The following SGCZ variants were observed in gnomAD, a reference collection of about 807,000 sequenced individuals.
SGCZ encodes the protein sarcoglycan zeta.
SGCZ carries 40 observed loss-of-function variants against 41.3 expected under a neutral mutation model. That is an observed-to-expected ratio of 0.97 (90% CI 0.75 to 1.26). The LOEUF is 1.26. Among genes scored for constraint, SGCZ ranks in the 50% most tolerant of loss-of-function variants. The pLI is 0.00. For missense variants in SGCZ, 552 were observed against 369.8 expected (o/e 1.49, Z -4.04); for synonymous variants, 206 against 137.5 (o/e 1.50, Z -3.49).
intron 2 of SGCZ, among the ~76,000 whole-genome samples, chr8:14,366,589 C>T (rs1054093351): frequency 3.3e-5 from 5 of 152,154 alleles, no homozygotes; most frequent in Middle Eastern, 3.4e-3. Context: ...TCATGCCTTC[C>T]CCAACGGTCC....
At chr8:14,435,783 A>T (rs1022379118) in intron 2 of SGCZ, among the ~76,000 whole-genome samples, 3 of 152,298 alleles carry the variant, frequency 2.0e-5, no homozygotes, top group African/African-American at 7.2e-5. Flanking sequence ...GAACTTGTTA[A>T]CTCATTGATG....
intron 1 of SGCZ, among the ~76,000 whole-genome samples, chr8:14,987,279 A>G (rs1039614699): frequency 2.0e-5 from 3 of 151,988 alleles, no homozygotes; most frequent in African/African-American, 7.2e-5. Context: ...ACATCAAAAC[A>G]CTAAAAATTT....
intron 5 of SGCZ, among the ~76,000 whole-genome samples, chr8:14,112,968 T>C (rs898806509): frequency 6.6e-6 from 1 of 152,108 alleles, no homozygotes; most frequent in African/African-American, 2.4e-5. Context: ...TTAAAAAGGA[T>C]TGCTTTGAAT....
intron 1 of SGCZ, among the ~76,000 whole-genome samples, chr8:14,899,508 A>G (rs1311385223): frequency 6.6e-6 from 1 of 152,200 alleles, no homozygotes; most frequent in Non-Finnish European, 1.5e-5. Flanking sequence ...ATGAGTAGCC[A>G]TTTCCTCAAC....
At chr8:14,493,078 A>G (rs1801887665) in intron 2 of SGCZ, among the ~76,000 whole-genome samples, 1 of 152,154 alleles carries the variant, frequency 6.6e-6, no homozygotes, top group African/African-American at 2.4e-5. Context: ...TTCTATATCC[A>G]GAATGACTTA....
intron 2 of SGCZ, among the ~76,000 whole-genome samples, chr8:14,376,064 A>G (rs1804110210): frequency 6.6e-6 from 1 of 152,362 alleles, no homozygotes; most frequent in South Asian, 2.1e-4. Context: ...CGGTAATCCC[A>G]GCACTTTGGG....
intron 3 of SGCZ, among the ~76,000 whole-genome samples, chr8:14,315,624 A>G (rs1801689246): frequency 6.6e-6 from 1 of 152,136 alleles, no homozygotes. Context: ...AGAGGATATT[A>G]TTAGACACAT....
chr8:15,146,093 C>T (rs1367123959), intron 1 of SGCZ, among the ~76,000 whole-genome samples: 1 of 151,620 alleles, frequency 6.6e-6, no homozygotes, highest in Non-Finnish European at 1.5e-5. Context: ...AGAAATGATT[C>T]ATAAATCTGA....
At chr8:14,747,744 T>C (rs547051756) in intron 1 of SGCZ, among the ~76,000 whole-genome samples, 13 of 148,868 alleles carry the variant, frequency 8.7e-5, no homozygotes, top group Non-Finnish European at 1.8e-4. Flanking sequence ...AGACTGAGTC[T>C]CATTCTGTCC....
At chr8:14,534,584 T>G (rs1442592492) in intron 2 of SGCZ, among the ~76,000 whole-genome samples, 2 of 151,978 alleles carry the variant, frequency 1.3e-5, no homozygotes, top group African/African-American at 4.8e-5. Flanking sequence ...GTGCTCATGA[T>G]CTGGGACAGG....
At chr8:14,399,769 T>C (rs1369077897) in intron 2 of SGCZ, among the ~76,000 whole-genome samples, 3 of 152,200 alleles carry the variant, frequency 2.0e-5, no homozygotes. Flanking sequence ...TTTTCTAAAA[T>C]AAGCCTTTTC....
At chr8:14,278,310 C>A (rs563949224) in intron 3 of SGCZ, among the ~76,000 whole-genome samples, 2 of 152,098 alleles carry the variant, frequency 1.3e-5, no homozygotes, top group East Asian at 3.9e-4. Flanking sequence ...ATTTGTGTAC[C>A]TTTTTCTCCT....
intron 2 of SGCZ, among the ~76,000 whole-genome samples, chr8:14,364,769 A>G (rs921731796): frequency 1.3e-5 from 2 of 152,042 alleles, no homozygotes; most frequent in Non-Finnish European, 2.9e-5. Context: ...TCATTTGCTC[A>G]TTTTGATATT....
intron 1 of SGCZ, among the ~76,000 whole-genome samples, chr8:14,865,264 T>C (rs1364908554): frequency 1.3e-5 from 2 of 152,014 alleles, no homozygotes; most frequent in Non-Finnish European, 2.9e-5. Flanking sequence ...CTTACTCTCA[T>C]ATTCCAGTTA....
intron 5 of SGCZ, among the ~76,000 whole-genome samples, chr8:14,141,738 C>A (rs896144051): frequency 6.6e-6 from 1 of 152,140 alleles, no homozygotes; most frequent in African/African-American, 2.4e-5. Flanking sequence ...CTACTTCAAC[C>A]ATTGTGGAAG....
chr8:14,462,141 A>T (rs938577572), intron 2 of SGCZ, among the ~76,000 whole-genome samples: 1 of 152,004 alleles, frequency 6.6e-6, no homozygotes, highest in Non-Finnish European at 1.5e-5. Flanking sequence ...AATATTTAAC[A>T]TTGTGACACT....
chr8:14,227,236 C>A (rs1806403655), intron 4 of SGCZ, among the ~76,000 whole-genome samples: 1 of 151,694 alleles, frequency 6.6e-6, no homozygotes, highest in Non-Finnish European at 1.5e-5. Flanking sequence ...TGAAGTATGG[C>A]AAAAAAAATG....
At chr8:14,779,774 A>G (rs1482227610) in intron 1 of SGCZ, among the ~76,000 whole-genome samples, 1 of 152,238 alleles carries the variant, frequency 6.6e-6, no homozygotes, top group African/African-American at 2.4e-5. Context: ...AGCAGAGCAT[A>G]TAAATAAATG....
At chr8:14,541,812 A>C (rs958075470) in intron 2 of SGCZ, among the ~76,000 whole-genome samples, 1 of 152,194 alleles carries the variant, frequency 6.6e-6, no homozygotes, top group Admixed American at 6.5e-5. Context: ...TGACTTTTTA[A>C]TGATTGTCAT....
Sources: allele counts gnomAD v4.1 joint callset (sites outside exome capture counted in the v4.1 genomes callset), GRCh38; gene constraint gnomAD v4.1.1; transcripts MANE v1.5; gene names NCBI Gene and HGNC (gene_info 2026-07-23, HGNC 2026-07-21).